Variants in RARB observed in about 807,000 individuals in gnomAD.
The protein encoded by RARB is HBV-activated protein.
Under a neutral mutation model 51.9 loss-of-function variants are expected in RARB, and 17 were observed. That is an observed-to-expected ratio of 0.33 (90% CI 0.22 to 0.49). RARB has a LOEUF of 0.49. RARB is among the 20% of genes least tolerant of loss of function. RARB has a pLI of 0.99. For synonymous variants in RARB, 215 were observed against 195.4 expected (o/e 1.10, Z -0.84); for missense variants, 369 against 550.8 (o/e 0.67, Z 3.30).
chr3:25,081,441 T>G (rs1302005639), intron 3 of RARB, among the ~76,000 whole-genome samples: 1 of 150,602 alleles, frequency 6.6e-6, no homozygotes, highest in Admixed American at 6.6e-5. Flanking sequence ...AATTGATTGA[T>G]AGTGCTGTTC....
intron 5 of RARB, among the ~76,000 whole-genome samples, chr3:25,199,159 C>G (rs1168517249): frequency 2.0e-5 from 3 of 152,026 alleles, no homozygotes; most frequent in African/African-American, 7.2e-5. Context: ...GTGGATGGAA[C>G]TGGAGGACAT....
intron 3 of RARB, among the ~76,000 whole-genome samples, chr3:25,506,647 A>G (rs1230588132): frequency 6.6e-6 from 1 of 152,252 alleles, no homozygotes; most frequent in Non-Finnish European, 1.5e-5. Context: ...CCCTGTCTTC[A>G]TTACTTAACT....
chr3:25,189,296 G>A (rs11129191), intron 5 of RARB, among the ~76,000 whole-genome samples: 3 of 152,134 alleles, frequency 2.0e-5, no homozygotes, highest in South Asian at 4.1e-4. Context: ...AAATATTAGA[G>A]TGTCAAGATA....
At chr3:25,486,718 G>A (rs749378840) in intron 2 of RARB, among the ~76,000 whole-genome samples, 4 of 152,124 alleles carry the variant, frequency 2.6e-5, no homozygotes, top group Non-Finnish European at 5.9e-5. Flanking sequence ...TCGGATAATG[G>A]TGAGGTACTT....
intron 2 of RARB, among the ~76,000 whole-genome samples, chr3:24,859,781 C>G (rs1025553609): frequency 1.3e-5 from 2 of 152,192 alleles, no homozygotes; most frequent in African/African-American, 4.8e-5. Flanking sequence ...GCCATATGGT[C>G]TGTCACATGA....
In RARB at chr3:25,062,682, T is replaced by C. The variant is rs559810323; in HGVS notation, c.-328+2506T>C. Among the ~76,000 whole-genome samples the C allele has an allele frequency of 9.9e-5, 15 of 152,082 alleles. No individual in the cohort carries two copies. In the East Asian group the frequency reaches 2.9e-3, roughly 29 times the overall value. ...TGCAAAAAAACACATATTGTATGATTCTACATATACAAGAAATGTCCGGAA... is the reference window on the plus strand; with the variant it reads ...TGCAAAAAAACACATATTGTATGATCCTACATATACAAGAAATGTCCGGAA... On this transcript the variant is annotated intron_variant, in intron 3 of 11. Coordinates refer to the RARB transcript ENST00000383772.
At chr3:25,347,971 T>C (rs1415471694) in intron 5 of RARB, among the ~76,000 whole-genome samples, 2 of 152,200 alleles carry the variant, frequency 1.3e-5, no homozygotes, top group East Asian at 3.9e-4. Flanking sequence ...TCTAGATTCC[T>C]TGAGGGCAAT....
intron 5 of RARB, among the ~76,000 whole-genome samples, chr3:25,361,248 C>T (rs141712247): frequency 6.6e-6 from 1 of 152,128 alleles, no homozygotes; most frequent in Non-Finnish European, 1.5e-5. Context: ...TCTCTGATAT[C>T]CTTTCTTCTG....
chr3:25,066,796 T>TATTTGTCC (rs1356918520), intron 3 of RARB, among the ~76,000 whole-genome samples: 1 of 152,174 alleles, frequency 6.6e-6, no homozygotes, highest in African/African-American at 2.4e-5. Context: ...ATTGCCATAT[T>TATTTGTCC]ATACTCCTTT....
rs1702105208 is a variant in RARB, at chr3:25,228,399, C to T, written c.178+53824C>T. Among the ~76,000 whole-genome samples, 7 of 151,666 alleles carry T rather than the reference C, an allele frequency of 4.6e-5. 1 individual carries two copies. Among genetic ancestry groups the T allele is most frequent in the Admixed American group, 4.6e-4 (7 of 15,206 alleles). ...CTTTTTAGCAGTATCCATTCTACTC[C>T]CGTTTCTAATGTGTTTTCCTTTTCT... On this transcript the variant is annotated intron_variant, in intron 5 of 11. Transcript: ENST00000383772.
At chr3:25,194,762 A>G (rs1056770362) in intron 5 of RARB, among the ~76,000 whole-genome samples, 1 of 151,804 alleles carries the variant, frequency 6.6e-6, no homozygotes, top group African/African-American at 2.4e-5. Context: ...AAATTAACAC[A>G]ATGCTGCTTT....
chr3:25,152,614 A>C (rs13320950), intron 4 of RARB, among the ~76,000 whole-genome samples: 4,944 of 152,268 alleles, frequency 0.032, 249 homozygotes, highest in African/African-American at 0.11. Flanking sequence ...TTTAATTATA[A>C]AATTATGTTT....
intron 3 of RARB, among the ~76,000 whole-genome samples, chr3:25,066,375 A>G (rs6808550): frequency 0.53 from 79,957 of 152,006 alleles, 21,569 homozygotes; most frequent in East Asian, 0.64. Context: ...TTTATTATCC[A>G]TAAATACTTT....
intron 4 of RARB, among the ~76,000 whole-genome samples, chr3:25,133,316 A>C (rs1206437730): frequency 6.6e-6 from 1 of 151,956 alleles, no homozygotes; most frequent in Non-Finnish European, 1.5e-5. Context: ...TGACATTAAA[A>C]ACATGGTTAT....
chr3:25,108,686 G>A (rs1170842022), intron 3 of RARB, among the ~76,000 whole-genome samples: 3 of 152,144 alleles, frequency 2.0e-5, no homozygotes, highest in African/African-American at 7.2e-5. Context: ...TGTATAGAGA[G>A]TTTGTGACAC....
intron 2 of RARB, among the ~76,000 whole-genome samples, chr3:25,469,723 T>G (rs928711003): frequency 3.9e-5 from 6 of 152,186 alleles, no homozygotes; most frequent in African/African-American, 1.4e-4. Flanking sequence ...TTTGTGTATA[T>G]TTTTTCCAAT....
chr3:24,882,139 T>C (rs1290999687), intron 2 of RARB, among the ~76,000 whole-genome samples: 1 of 152,178 alleles, frequency 6.6e-6, no homozygotes, highest in Admixed American at 6.5e-5. Flanking sequence ...ACTTAGGAGA[T>C]TTAGTAAATA....
chr3:25,565,128 G>A lies in RARB; in HGVS notation c.449-4630G>A, dbSNP rs548510401. Reference sequence around the variant, plus strand: ...TAGCATCCTTCATTGTACTCACTACGCTGTGGACTGTGTGTACATGGGGTA... The same window carrying A: ...TAGCATCCTTCATTGTACTCACTACACTGTGGACTGTGTGTACATGGGGTA... On this transcript the variant is annotated intron_variant, in intron 3 of 7. Transcript: ENST00000330688. 1.1e-4 allele frequency among the ~76,000 whole-genome samples: 17 copies of A among 152,210 alleles called. No homozygotes were observed. In the South Asian group the frequency reaches 1.2e-3, roughly 11 times the overall value.
chr3:25,241,033 A>G (rs1415777395), intron 5 of RARB, among the ~76,000 whole-genome samples: 2 of 152,084 alleles, frequency 1.3e-5, no homozygotes, highest in Non-Finnish European at 2.9e-5. Flanking sequence ...CAGCCTTTCT[A>G]TTTCTTCTTG....
Sources: allele counts gnomAD v4.1 joint callset (sites outside exome capture counted in the v4.1 genomes callset), GRCh38; gene constraint gnomAD v4.1.1; transcripts MANE v1.5; gene names NCBI Gene and HGNC (gene_info 2026-07-23, HGNC 2026-07-21).